The following BUB1B variants were observed in gnomAD, a reference collection of about 807,000 sequenced individuals.
BUB1B encodes BUB1 mitotic checkpoint serine/threonine kinase B.
A neutral mutation model predicts 137.7 loss-of-function variants in BUB1B; 86 were observed. The observed-to-expected ratio is 0.62, with a 90% CI of 0.52 to 0.75. The LOEUF (loss-of-function observed/expected upper bound fraction) is 0.75. Among genes scored for constraint, BUB1B ranks in the 30% least tolerant of loss-of-function variants. The pLI is 0.00. For synonymous variants in BUB1B, 420 were observed against 417.9 expected (o/e 1.00, Z -0.06); for missense variants, 1,130 against 1,236.9 (o/e 0.91, Z 1.30).
chr15:40,196,889 T>C, intron 9 of BUB1B, 115 bp downstream of exon 9: 1 of 931,502 alleles, frequency 1.1e-6, no homozygotes, highest in Non-Finnish European at 1.7e-6. Context: ...ATGATGTTTC[T>C]ATGGTAGTAC....
intron 5 of BUB1B, among the ~76,000 whole-genome samples, chr15:40,183,295 A>G (rs755309294): frequency 6.6e-6 from 1 of 152,208 alleles, no homozygotes; most frequent in Non-Finnish European, 1.5e-5. Flanking sequence ...ACGTGCGCGC[A>G]TGCATGTGTA....
In BUB1B at chr15:40,217,661, C is replaced by G; in HGVS notation, c.2844C>G (p.Pro948=). 6.2e-7 allele frequency: 1 copy of G among 1,614,180 alleles called. No individual in the cohort carries two copies. The stretch of plus-strand genomic sequence containing the variant: ...AGATCCTGGCTAACTGTTCTTCTCC[C>G]TACCAGGTAAGTGTAAAACAAGCCT... ...GQKILANCSS[P]YQVDLFGIAD... is the part of the protein sequence containing the mutation. The change falls in exon 21 of 23, where the codon CCC becomes CCG. Residue 948 remains proline, a synonymous_variant. Coordinates refer to ENST00000287598, the MANE Select transcript of BUB1B (RefSeq NM_001211.6).
At chr15:40,209,907 T>C (rs2037689304) in intron 17 of BUB1B, 132 bp downstream of exon 17, 1 of 1,167,738 alleles carries the variant, frequency 8.6e-7, no homozygotes, top group Non-Finnish European at 1.3e-6. Context: ...ATATAGAGGA[T>C]GACACATCAG....
intron 2 of BUB1B, among the ~76,000 whole-genome samples, chr15:40,165,644 C>T (rs2140878790): frequency 6.6e-6 from 1 of 152,188 alleles, no homozygotes; most frequent in African/African-American, 2.4e-5. Flanking sequence ...TAAATAAAAG[C>T]TGAAAAATAC....
chr15:40,170,633 A>G lies in BUB1B; in HGVS notation c.336A>G (p.Glu112=). The change falls in exon 4 of 23, where the codon GAA becomes GAG. Residue 112 remains glutamate (E), a synonymous_variant. Transcript: ENST00000287598. ...GAGCTGTAGAAGCACTACAAGGAGAAAAACGATATTATAGTGATCCTCGAT... is the reference window on the plus strand; with the variant it reads ...GAGCTGTAGAAGCACTACAAGGAGAGAAACGATATTATAGTGATCCTCGAT... The part of the protein sequence containing the change: ...LERAVEALQG[E]KRYYSDPRFL... 6.2e-7 allele frequency: 1 copy of G among 1,613,782 alleles called. No individual in the cohort carries two copies. Among genetic ancestry groups the G allele is most frequent in the Non-Finnish European group, 8.5e-7 (1 of 1,179,742 alleles).
rs1187768596 is a variant in BUB1B, at chr15:40,183,792, T to A, written c.660T>A (p.Ser220=). The part of the protein sequence containing the change: ...KEEEEEVFES[S]VPQRSTLAEL... ...AAGAGGAGGAAGTTTTTGAGTCTTC[T>A]GTACCACAACGAAGCACACTAGCTG... Residue 220 remains serine, a synonymous_variant, in exon 6 of 23, where the codon TCT becomes TCA. Coordinates refer to ENST00000287598, the MANE Select transcript of BUB1B (RefSeq NM_001211.6). 1 of 1,614,146 alleles carries A rather than the reference T, an allele frequency of 6.2e-7. No individual in the cohort carries two copies. Among genetic ancestry groups the A allele is most frequent in the Non-Finnish European group, 8.5e-7 (1 of 1,179,994 alleles).
At chr15:40,211,579 A>T (rs1276769975) in intron 18 of BUB1B, among the ~76,000 whole-genome samples, 1 of 152,154 alleles carries the variant, frequency 6.6e-6, no homozygotes, top group Non-Finnish European at 1.5e-5. Flanking sequence ...TGGTCTGAAG[A>T]ATAGAAGAGC....
chr15:40,172,659 A>G (rs955504379), intron 4 of BUB1B, among the ~76,000 whole-genome samples: 2 of 149,438 alleles, frequency 1.3e-5, no homozygotes, highest in African/African-American at 5.1e-5. Flanking sequence ...ATGGAAGAAA[A>G]TCTGTATATG....
Position 40,217,659 on chromosome 15 carries a change from C to T in BUB1B, c.2842C>T (p.Pro948Ser). ...GQKILANCSSPYQVDLFGIAD... is the reference protein window; with the variant it reads ...GQKILANCSSSYQVDLFGIAD... Reference sequence around the variant, plus strand: ...AAAGATCCTGGCTAACTGTTCTTCTCCCTACCAGGTAAGTGTAAAACAAGC... The same window carrying T: ...AAAGATCCTGGCTAACTGTTCTTCTTCCTACCAGGTAAGTGTAAAACAAGC... Residue 948 changes from proline to serine, a missense_variant, in exon 21 of 23, where the codon CCC (proline) becomes TCC (serine). Pro to Ser is a moderately conservative substitution (Grantham distance 74). Transcript: ENST00000287598. 6.2e-7 allele frequency: 1 copy of T among 1,614,178 alleles called. No homozygotes were observed. The highest frequency in any genetic ancestry group is 8.5e-7 in the Non-Finnish European group (1 of 1,180,022).
chr15:40,200,787 T>C (rs1415187798), intron 11 of BUB1B, 144 bp from the exon 12 acceptor site: 3 of 701,010 alleles, frequency 4.3e-6, no homozygotes, highest in Non-Finnish European at 4.8e-6. Flanking sequence ...AGCTTCCATC[T>C]TCTTTAAGAG....
chr15:40,170,748 T>C (rs2037152993), intron 4 of BUB1B, 67 bp downstream of exon 4: 1 of 1,536,188 alleles, frequency 6.5e-7, no homozygotes, highest in African/African-American at 1.4e-5. Context: ...TAGAGGTATC[T>C]GGTATACCAA....
chr15:40,217,132 T>A (rs534273596), intron 20 of BUB1B, among the ~76,000 whole-genome samples: 1 of 152,340 alleles, frequency 6.6e-6, no homozygotes, highest in South Asian at 2.1e-4. Context: ...ATTTCCTCCA[T>A]CATAATTCCT....
At chr15:40,166,379 G>A (rs757029366) in intron 2 of BUB1B, 19 of 424,480 alleles carry the variant, frequency 4.5e-5, no homozygotes, top group South Asian at 2.0e-4. Flanking sequence ...TCGCTCTTTC[G>A]GCCAGGCTGG....
At chr15:40,181,548 G>A (rs1822798125) in intron 5 of BUB1B, among the ~76,000 whole-genome samples, 1 of 152,046 alleles carries the variant, frequency 6.6e-6, no homozygotes, top group Non-Finnish European at 1.5e-5. Flanking sequence ...TGAGACTTCA[G>A]TTGCACAAAT....
chr15:40,161,405 G>A, intron 1 of BUB1B, 150 bp downstream of exon 1: 2 of 930,116 alleles, frequency 2.2e-6, no homozygotes, highest in Non-Finnish European at 1.5e-6. Flanking sequence ...GTAGAATGCC[G>A]GAGGTGGAGG....
At chr15:40,191,309 C>G (rs149045949) in intron 8 of BUB1B, among the ~76,000 whole-genome samples, 1 of 152,176 alleles carries the variant, frequency 6.6e-6, no homozygotes, top group Non-Finnish European at 1.5e-5. Flanking sequence ...TAAGGGGAAA[C>G]TACTCTATTT....
At chr15:40,182,727 T>G (rs1371741128) in intron 5 of BUB1B, among the ~76,000 whole-genome samples, 1 of 152,340 alleles carries the variant, frequency 6.6e-6, no homozygotes, top group East Asian at 1.9e-4. Context: ...GCAGTTCTCC[T>G]CCCATATTCT....
intron 8 of BUB1B, among the ~76,000 whole-genome samples, chr15:40,188,303 A>G (rs541753647): frequency 2.1e-4 from 32 of 152,228 alleles, no homozygotes; most frequent in Middle Eastern, 3.4e-3. Flanking sequence ...TCGGCCTCCC[A>G]AAGTGCTGGG....
intron 8 of BUB1B, among the ~76,000 whole-genome samples, chr15:40,186,406 T>C (rs914099725): frequency 6.6e-6 from 1 of 150,962 alleles, no homozygotes; most frequent in Non-Finnish European, 1.5e-5. Flanking sequence ...TGAGATTTAG[T>C]CTAATGCTTA....
Sources: gnomAD v4.1 joint callset for allele counts (sites outside exome capture counted in the v4.1 genomes callset) on GRCh38, gnomAD v4.1.1 for gene constraint, MANE v1.5 for transcripts, NCBI Gene and HGNC (gene_info 2026-07-23, HGNC 2026-07-21) for gene names.